The following RRP8 variants were observed in gnomAD, a reference collection of about 807,000 sequenced individuals.
RRP8 encodes ribosomal RNA-processing protein 8.
Under a neutral mutation model 45.0 loss-of-function variants are expected in RRP8, and 48 were observed. That is an observed-to-expected ratio of 1.07 (90% confidence interval 0.85 to 1.36). The LOEUF (loss-of-function observed/expected upper bound fraction) is 1.36. RRP8 is among the 40% of genes most tolerant of loss of function. The pLI is 0.00. For missense variants in RRP8, 658 were observed against 573.7 expected (o/e 1.15, Z -1.50); for synonymous variants, 274 against 212.4 (o/e 1.29, Z -2.52).
rs1854239010 is a variant in RRP8 at position 6,597,035 on chromosome 11, A to C, written c.*3111T>G. ...GTTCTTAATAGATAGTCCTGTGATC[A>C]GTTTAAGGAACAAACATAATCTCAA... On this transcript the variant is annotated 3_prime_UTR_variant, in exon 7 of 7. Transcript: ENST00000254605. The C allele has an allele frequency of 6.6e-6, 1 of 152,250 alleles. No individual in the cohort carries two copies. The highest frequency in any genetic ancestry group is 1.5e-5 in the Non-Finnish European group (1 of 68,040). The allele number at this position is 152,250 out of a possible 1,614,324, so 9.4% of individuals were successfully genotyped here. A position where few individuals can be genotyped will look rare whatever the true frequency, so the allele number is the denominator to read the frequency against.
rs1421918733 is a variant in RRP8 at position 6,599,019 on chromosome 11, C to T, written c.*1127G>A. 6.6e-6 allele frequency: 1 copy of T among 152,300 alleles called. No individual in the cohort carries two copies. Among genetic ancestry groups the T allele is most frequent in the Admixed American group, 6.5e-5 (1 of 15,278 alleles). 9.4% of individuals were successfully genotyped at this position (152,300 alleles called of 1,614,324 possible). A position where few individuals can be genotyped will look rare whatever the true frequency, so the allele number is the denominator to read the frequency against. On this transcript the variant is annotated 3_prime_UTR_variant, in exon 7 of 7. Coordinates refer to ENST00000254605, the MANE Select transcript of RRP8 (RefSeq NM_015324.4). ...TCCGCCAATGAACAGCCCAATGCCC[C>T]CAAGCCCACATGGCATCAACAAGTT... is the stretch of plus-strand genomic sequence containing the variant.
intron 1 of RRP8, 40 bp downstream of exon 1, chr11:6,603,364 C>A (rs1404374558): frequency 6.9e-7 from 1 of 1,445,332 alleles, no homozygotes; most frequent in Non-Finnish European, 9.5e-7. Context: ...GTCCGCTTCG[C>A]GGCCTGAAAC....
At position 6,601,396 on chromosome 11, in the gene RRP8, G is replaced by C. The variant is rs1854356954; in HGVS notation, c.670C>G (p.Pro224Ala). 1 of 1,614,044 alleles carries C rather than the reference G, an allele frequency of 6.2e-7. No individual in the cohort carries two copies. The highest frequency in any genetic ancestry group is 1.1e-5 in the South Asian group (1 of 91,084). ...EAPTEKTEVS[P>A]VPRTDSHEAR... is the part of the protein sequence containing the mutation. ...TCATGGCTGTCTGTCCTGGGAACAG[G>C]AGACACCTCTGTCTTCTCTGTGGGG... The change falls in exon 3 of 7, where the codon CCT (proline) becomes GCT (alanine). Residue 224 changes from proline (P) to alanine (A), a missense_variant. Pro to Ala is a conservative substitution (Grantham distance 27). Transcript: ENST00000254605.
rs1290750796 is a variant in RRP8, at chr11:6,600,990, T to C, written c.983A>G (p.Asn328Ser). ...AGCCAAGTCAAAGCAATGCACAGGG[T>C]TCCGGATACTTGAAGCCAAGCGGCA... ...GDCRLASSIR[N>S]PVHCFDLASL... Residue 328 changes from asparagine to serine, a missense_variant, in exon 4 of 7, where the codon AAC becomes AGC. By Grantham distance (46) the Asn-to-Ser change is conservative. Transcript: ENST00000254605. The C allele has an allele frequency of 6.2e-7, 1 of 1,614,086 alleles. No homozygotes were observed. Among genetic ancestry groups the C allele is most frequent in the Non-Finnish European group, 8.5e-7 (1 of 1,180,014 alleles).
At chr11:6,600,807 A>T (rs377756818) in intron 4 of RRP8, 32 bp from the exon 5 acceptor site, 1 of 1,606,650 alleles carries the variant, frequency 6.2e-7, no homozygotes, top group Non-Finnish European at 8.5e-7. Context: ...TATAAGGCAC[A>T]CAGTGCAGAA....
chr11:6,602,099 C>T lies in RRP8; in HGVS notation c.216G>A (p.Lys72=), dbSNP rs751550633. The change falls in exon 2 of 7, where the codon AAG becomes AAA. Residue 72 remains lysine (K), a synonymous_variant. Transcript: ENST00000254605. Reference sequence around the variant, plus strand: ...ATGATGCCTTTTTGGGGCATTTCTTCTTCCTTTCCTCCTCCTCCTCCTCAG... The same window carrying T: ...ATGATGCCTTTTTGGGGCATTTCTTTTTCCTTTCCTCCTCCTCCTCCTCAG... ...SDSEEEEEER[K]KKCPKKASFA... is the part of the protein sequence containing the mutation. The T allele has an allele frequency of 2.5e-6, 4 of 1,613,372 alleles. No homozygotes were observed. In the South Asian group the frequency reaches 3.3e-5, roughly 13 times the overall value.
rs1224610239 is a variant in RRP8 at position 6,601,532 on chromosome 11, T to A, written c.534A>T (p.Lys178Asn). ...PKQSPGSTSP[K>N]PPHTLSRKQW... ...GCTTGCGGCTTAATGTATGAGGGGG[T>A]TTAGGGGAAGTGGACCCAGGGCTTT... The change falls in exon 3 of 7, where the codon AAA becomes AAT. Residue 178 changes from lysine (K) to asparagine (N), a missense_variant. Coordinates refer to ENST00000254605, the MANE Select transcript of RRP8 (RefSeq NM_015324.4). 6.2e-7 allele frequency: 1 copy of A among 1,609,574 alleles called. No individual in the cohort carries two copies. The highest frequency in any genetic ancestry group is 8.5e-7 in the Non-Finnish European group (1 of 1,179,958).
chr11:6,602,201 G>A lies in RRP8; in HGVS notation c.114C>T (p.Arg38=), dbSNP rs367736081. The change falls in exon 2 of 7, where the codon CGC becomes CGT. Residue 38 remains arginine, a synonymous_variant. Transcript: ENST00000254605. ...ASSQNKGSKR[R]QLLATLRALE... is the part of the protein sequence containing the mutation. Reference sequence around the variant, plus strand: ...GGGCCCGTAATGTGGCCAAGAGCTGGCGGCGCTTGGAGCCCTGGAGGAAAA... The same window carrying A: ...GGGCCCGTAATGTGGCCAAGAGCTGACGGCGCTTGGAGCCCTGGAGGAAAA... The A allele has an allele frequency of 5.1e-6, 8 of 1,560,238 alleles. No homozygotes were observed. Among genetic ancestry groups the A allele is most frequent in the Admixed American group, 3.9e-5 (2 of 51,858 alleles).
At position 6,599,422 on chromosome 11, in the gene RRP8, C is replaced by A. The variant is rs1173837957; in HGVS notation, c.*724G>T. On this transcript the variant is annotated 3_prime_UTR_variant, in exon 7 of 7. Transcript: ENST00000254605. ...ACTTTAAGTGCCTCTGGGTAGCAGG[C>A]CAAGAATTAAATCCAGGTCTACCTG... is the stretch of plus-strand genomic sequence containing the variant. 1 of 152,192 alleles carries A rather than the reference C, an allele frequency of 6.6e-6. No homozygotes were observed. The highest frequency in any genetic ancestry group is 6.5e-5 in the Admixed American group (1 of 15,286). 9.4% of individuals were successfully genotyped at this position (152,192 alleles called of 1,614,324 possible). A position where few individuals can be genotyped will look rare whatever the true frequency, so the allele number is the denominator to read the frequency against.
Position 6,601,775 on chromosome 11 carries a change from T to C in RRP8, c.463+77A>G, listed in dbSNP as rs954577712. 12 of 1,499,708 alleles carry C rather than the reference T, an allele frequency of 8.0e-6. No individual in the cohort carries two copies. In the African/African-American group the frequency reaches 8.4e-5, roughly 10 times the overall value. 92.9% of individuals were successfully genotyped at this position (1,499,708 alleles called of 1,614,324 possible). The stretch of plus-strand genomic sequence containing the variant: ...CCCCAATCCTAATGGCAGTGGATAA[T>C]CACTCTTGTATGTAGAACCAGCTGA... On this transcript the variant is annotated intron_variant, in intron 2 of 6. Coordinates refer to ENST00000254605, the MANE Select transcript of RRP8 (RefSeq NM_015324.4).
chr11:6,603,526 C>G lies in RRP8; in HGVS notation c.-24G>C. The G allele has an allele frequency of 6.8e-7, 1 of 1,463,910 alleles. No individual in the cohort carries two copies. Among genetic ancestry groups the G allele is most frequent in the Non-Finnish European group, 9.3e-7 (1 of 1,075,652 alleles). The allele number at this position is 1,463,910 out of a possible 1,614,324, so 90.7% of individuals were successfully genotyped here. A position where few individuals can be genotyped will look rare whatever the true frequency, so the allele number is the denominator to read the frequency against. ...ATGAGGGTCGGGAGGGCAGGGTCGC[C>G]GAGTCCCCGCTCTTCTCCACGTGCA... On this transcript the variant is annotated 5_prime_UTR_variant, in exon 1 of 7. Coordinates refer to ENST00000254605, the MANE Select transcript of RRP8 (RefSeq NM_015324.4).
chr11:6,596,549 G>A lies in RRP8; in HGVS notation c.*3597C>T, dbSNP rs1854231862. 3 of 152,190 alleles carry A rather than the reference G, an allele frequency of 2.0e-5. No homozygotes were observed. The highest frequency in any genetic ancestry group is 1.9e-4 in the East Asian group (1 of 5,206). 9.4% of individuals were successfully genotyped at this position (152,190 alleles called of 1,614,324 possible). A position where few individuals can be genotyped will look rare whatever the true frequency, so the allele number is the denominator to read the frequency against. On this transcript the variant is annotated 3_prime_UTR_variant, in exon 7 of 7. Coordinates refer to ENST00000254605, the MANE Select transcript of RRP8 (RefSeq NM_015324.4). ...GCTGTGTGGAAAATTAATTGCTTTA[G>A]GGACACGAGTAGAAGCAATTAGACC...
At chr11:6,602,245 C>T in intron 1 of RRP8, 30 bp from the exon 2 acceptor site, 2 of 1,519,320 alleles carry the variant, frequency 1.3e-6, no homozygotes, top group Non-Finnish European at 8.8e-7. Context: ...GACAGTGGGC[C>T]TAAAGAGAAT....
In RRP8 at chr11:6,599,995, T is replaced by C. The variant is rs2890; in HGVS notation, c.*151A>G. On this transcript the variant is annotated 3_prime_UTR_variant, in exon 7 of 7. Transcript: ENST00000254605. Reference sequence around the variant, plus strand: ...CATCTTATAACCAAGAAGCCTTCAGTAGAGCAAGTCTGAGCCAGAGGTTTT... The same window carrying C: ...CATCTTATAACCAAGAAGCCTTCAGCAGAGCAAGTCTGAGCCAGAGGTTTT... 25,166 of 497,486 alleles carry C rather than the reference T, an allele frequency of 0.051. 817 individuals are homozygous for C. Among genetic ancestry groups the C allele is most frequent in the Non-Finnish European group, 0.068 (19,180 of 282,932 alleles). 30.8% of individuals were successfully genotyped at this position (497,486 alleles called of 1,614,324 possible).
At chr11:6,603,364 C>T (rs1404374558) in intron 1 of RRP8, 40 bp downstream of exon 1, 3 of 1,445,198 alleles carry the variant, frequency 2.1e-6, no homozygotes, top group African/African-American at 2.8e-5. Context: ...GTCCGCTTCG[C>T]GGCCTGAAAC....
chr11:6,601,553 G>T lies in RRP8; in HGVS notation c.513C>A (p.Ser171Arg). Residue 171 changes from serine to arginine, a missense_variant, in exon 3 of 7, where the codon AGC becomes AGA. Ser to Arg is a moderately radical substitution (Grantham distance 110). Transcript: ENST00000254605. ...GGGGTTTAGGGGAAGTGGACCCAGG[G>T]CTTTGCTTTGGTGGATCATTTGTAG... ...GSTTNDPPKQ[S>R]PGSTSPKPPH... 6.2e-7 allele frequency: 1 copy of T among 1,605,892 alleles called. No homozygotes were observed. Among genetic ancestry groups the T allele is most frequent in the Non-Finnish European group, 8.5e-7 (1 of 1,179,960 alleles).
chr11:6,602,197 G>T lies in RRP8; in HGVS notation c.118C>A (p.Leu40Ile). 1 of 1,563,868 alleles carries T rather than the reference G, an allele frequency of 6.4e-7. No homozygotes were observed. Among genetic ancestry groups the T allele is most frequent in the Non-Finnish European group, 8.6e-7 (1 of 1,157,912 alleles). Reference sequence around the variant, plus strand: ...TCTAGGGCCCGTAATGTGGCCAAGAGCTGGCGGCGCTTGGAGCCCTGGAGG... The same window carrying T: ...TCTAGGGCCCGTAATGTGGCCAAGATCTGGCGGCGCTTGGAGCCCTGGAGG... ...SQNKGSKRRQ[L>I]LATLRALEAA... The change falls in exon 2 of 7, where the codon CTC becomes ATC. Residue 40 changes from leucine to isoleucine, a missense_variant. By Grantham distance (5) the Leu-to-Ile change is conservative. Coordinates refer to ENST00000254605, the MANE Select transcript of RRP8 (RefSeq NM_015324.4).
Position 6,601,581 on chromosome 11 carries a change from C to G in RRP8, c.485G>C (p.Ser162Thr), listed in dbSNP as rs1363005758. The change falls in exon 3 of 7, where the codon AGT becomes ACT. Residue 162 changes from serine (S) to threonine (T), a missense_variant. Transcript: ENST00000254605. ...DQTGPKAWKG[S>T]TTNDPPKQSP... is the part of the protein sequence containing the mutation. ...TTGCTTTGGTGGATCATTTGTAGTA[C>G]TACCCTTCCAGGCTTTGGGACCTAC... The G allele has an allele frequency of 6.2e-7, 1 of 1,601,852 alleles. No homozygotes were observed. Among genetic ancestry groups the G allele is most frequent in the East Asian group, 2.2e-5 (1 of 44,894 alleles).
In RRP8 at chr11:6,600,125, C is replaced by A; in HGVS notation, c.*21G>T. ...GCCTGGAGTTTGAGATCTGCCTCCC[C>A]TTTCAAGGAAGATCCAGAGGTCACC... On this transcript the variant is annotated 3_prime_UTR_variant, in exon 7 of 7. Transcript: ENST00000254605. The A allele has an allele frequency of 2.0e-6, 3 of 1,476,292 alleles. No homozygotes were observed. Among genetic ancestry groups the A allele is most frequent in the Non-Finnish European group, 2.8e-6 (3 of 1,089,126 alleles). The allele number at this position is 1,476,292 out of a possible 1,614,324, so 91.4% of individuals were successfully genotyped here. A position where few individuals can be genotyped will look rare whatever the true frequency, so the allele number is the denominator to read the frequency against.
Sources: allele counts gnomAD v4.1 joint callset, GRCh38; gene constraint gnomAD v4.1.1; transcripts MANE v1.5; gene names NCBI Gene and HGNC (gene_info 2026-07-23, HGNC 2026-07-21).